SLC71A2: variants seen among roughly 807,000 people sequenced by gnomAD.
SLC71A2 encodes the protein hippocampus abundant transcript-like 1.
chr9:94,439,757 A>G, the SLC71A2 span, among the ~76,000 whole-genome samples: 8 of 151,498 alleles, frequency 5.3e-5, no homozygotes, highest in East Asian at 1.2e-3. Flanking sequence ...TTGGCTTAAT[A>G]TTTTTTCTTT....
chr9:94,458,446 TAAC>T, the SLC71A2 span: 1 of 1,614,034 alleles, frequency 6.2e-7, no homozygotes, highest in Non-Finnish European at 8.5e-7. Flanking sequence ...AATTGAATTC[TAAC>T]AACGTTCCCC....
chr9:94,417,051 A>C, the SLC71A2 span, among the ~76,000 whole-genome samples: 3 of 152,056 alleles, frequency 2.0e-5, no homozygotes, highest in Admixed American at 6.6e-5. Context: ...ATGAGATTCT[A>C]ATTTTCCTCA....
the SLC71A2 span, among the ~76,000 whole-genome samples, chr9:94,425,182 T>C: frequency 1.2e-3 from 182 of 152,166 alleles, 1 homozygote; most frequent in Non-Finnish European, 2.1e-3. Flanking sequence ...CGCACTCCTG[T>C]AATCCCAGCT....
chr9:94,405,663 G>C, the SLC71A2 span, among the ~76,000 whole-genome samples: 1 of 152,080 alleles, frequency 6.6e-6, no homozygotes, highest in Non-Finnish European at 1.5e-5. Context: ...CTACATGTCT[G>C]TTTTTATGCC....
the SLC71A2 span, among the ~76,000 whole-genome samples, chr9:94,449,479 A>C: frequency 6.6e-6 from 1 of 152,250 alleles, no homozygotes; most frequent in African/African-American, 2.4e-5. Context: ...GCCAATAAGC[A>C]CAGGAAAAGA....
chr9:94,445,868 A>T, the SLC71A2 span, among the ~76,000 whole-genome samples: 410 of 152,312 alleles, frequency 2.7e-3, 1 homozygote, highest in African/African-American at 9.4e-3. Flanking sequence ...ATCAATCAGA[A>T]ATTACTTTTT....
At chr9:94,459,255 CCAGTGGAGT>C in the SLC71A2 span, 1 of 1,614,096 alleles carries the variant, frequency 6.2e-7, no homozygotes, top group Admixed American at 1.7e-5. Flanking sequence ...TACAGTAAAG[CCAGTGGAGT>C]TCAAAAACAC....
the SLC71A2 span, among the ~76,000 whole-genome samples, chr9:94,440,157 C>T: frequency 6.6e-6 from 1 of 151,668 alleles, no homozygotes; most frequent in Non-Finnish European, 1.5e-5. Context: ...TGCCTTTTCT[C>T]TTATTTTTTT....
the SLC71A2 span, among the ~76,000 whole-genome samples, chr9:94,446,286 G>A: frequency 6.6e-6 from 1 of 152,222 alleles, no homozygotes; most frequent in African/African-American, 2.4e-5. Flanking sequence ...ATGTATGTAA[G>A]AAGGATTTTT....
At chr9:94,403,781 C>G in the SLC71A2 span, among the ~76,000 whole-genome samples, 1 of 152,138 alleles carries the variant, frequency 6.6e-6, no homozygotes, top group Admixed American at 6.6e-5. Flanking sequence ...TTTTACATTC[C>G]TACCAACAGT....
At chr9:94,432,318 T>C in the SLC71A2 span, among the ~76,000 whole-genome samples, 6 of 150,866 alleles carry the variant, frequency 4.0e-5, no homozygotes, top group African/African-American at 1.5e-4. Flanking sequence ...CTGACCAACA[T>C]GGAGAAACCC....
chr9:94,431,275 T>C, the SLC71A2 span, among the ~76,000 whole-genome samples: 2 of 150,052 alleles, frequency 1.3e-5, no homozygotes, highest in East Asian at 3.9e-4. Flanking sequence ...ATTGTGCCAC[T>C]GCACTCCAGC....
At chr9:94,388,381 C>T in the SLC71A2 span, among the ~76,000 whole-genome samples, 1 of 152,158 alleles carries the variant, frequency 6.6e-6, no homozygotes, top group Middle Eastern at 3.2e-3. Flanking sequence ...AGGCCATACC[C>T]ATTGACCTGG....
chr9:94,378,856 G>C, the SLC71A2 span, among the ~76,000 whole-genome samples: 2 of 151,088 alleles, frequency 1.3e-5, no homozygotes, highest in Non-Finnish European at 2.9e-5. Flanking sequence ...GGAAGAATTT[G>C]TGTAAGATTG....
chr9:94,403,061 T>C, the SLC71A2 span, among the ~76,000 whole-genome samples: 1 of 152,216 alleles, frequency 6.6e-6, no homozygotes, highest in Non-Finnish European at 1.5e-5. Flanking sequence ...CTACTTACTG[T>C]CTATGAATTT....
At chr9:94,452,635 TCATATATATA>T in the SLC71A2 span, among the ~76,000 whole-genome samples, 1,827 of 91,390 alleles carry the variant, frequency 0.02, 49 homozygotes, top group African/African-American at 0.088. Flanking sequence ...ATATATATTT[TCATATATATA>T]TTCATATATA....
chr9:94,399,360 T>A, the SLC71A2 span, among the ~76,000 whole-genome samples: 1 of 152,168 alleles, frequency 6.6e-6, no homozygotes, highest in East Asian at 1.9e-4. Flanking sequence ...ATATGCTTAT[T>A]GCCGTTGAGT....
At chr9:94,447,351 T>TC in the SLC71A2 span, among the ~76,000 whole-genome samples, 1 of 152,042 alleles carries the variant, frequency 6.6e-6, no homozygotes, top group Non-Finnish European at 1.5e-5. Flanking sequence ...AGCCAATTTT[T>TC]GTATTTTTAG....
chr9:94,449,253 T>TA, the SLC71A2 span, among the ~76,000 whole-genome samples: 1 of 152,220 alleles, frequency 6.6e-6, no homozygotes, highest in Admixed American at 6.5e-5. Flanking sequence ...TATTTTATAT[T>TA]ATTGCTGGCT....
Sources: allele counts gnomAD v4.1 joint callset (sites outside exome capture counted in the v4.1 genomes callset), GRCh38; gene constraint gnomAD v4.1.1; transcripts MANE v1.5; gene names NCBI Gene and HGNC (gene_info 2026-07-23, HGNC 2026-07-21).